ABHD13: variants seen among roughly 807,000 people sequenced by gnomAD.
The protein encoded by ABHD13 is protein ABHD13.
A neutral mutation model predicts 25.2 loss-of-function variants in ABHD13; 7 were observed. The ratio of observed to expected loss-of-function variants is 0.28; its 90% CI spans 0.16 to 0.52. ABHD13 has a LOEUF of 0.52. Ranked by LOEUF, ABHD13 falls within the 20% of genes least tolerant of loss-of-function variation. ABHD13 has a pLI of 0.96. For synonymous variants in ABHD13, 133 were observed against 136.1 expected (o/e 0.98, Z 0.16); for missense variants, 302 against 402.7 (o/e 0.75, Z 2.14).
At chr13:108,220,326 T>C (rs147172172) in intron 1 of ABHD13, among the ~76,000 whole-genome samples, 1 of 152,306 alleles carries the variant, frequency 6.6e-6, no homozygotes, top group African/African-American at 2.4e-5. Context: ...GATAAGAGGG[T>C]TTACTAACCA....
chr13:108,219,343 C>G (rs945527096), intron 1 of ABHD13, among the ~76,000 whole-genome samples: 2 of 152,070 alleles, frequency 1.3e-5, no homozygotes, highest in African/African-American at 4.8e-5. Context: ...AAAAAAAGTC[C>G]GTCCCCATTT....
In ABHD13 at chr13:108,233,682, C is replaced by T. The variant is rs1333231685; in HGVS notation, c.*3450C>T. The T allele has an allele frequency of 1.2e-5, 2 of 166,356 alleles. No homozygotes were observed. The highest frequency in any genetic ancestry group is 2.9e-5 in the Non-Finnish European group (2 of 67,866). The allele number at this position is 166,356 out of a possible 1,614,324, so 10.3% of individuals were successfully genotyped here. A position where few individuals can be genotyped will look rare whatever the true frequency, so the allele number is the denominator to read the frequency against. On this transcript the variant is annotated 3_prime_UTR_variant, in exon 2 of 2. Coordinates refer to ENST00000375898, the MANE Select transcript of ABHD13 (RefSeq NM_032859.3). ...TTGATAGGGTAGAAAATGAAATGTA[C>T]TTCTGTTTATTCTTAATACTATATA...
chr13:108,218,590 G>C lies in ABHD13; in HGVS notation c.-90G>C, dbSNP rs1014311531. 1.3e-5 allele frequency: 2 copies of C among 152,118 alleles called. No individual in the cohort carries two copies. Among genetic ancestry groups the C allele is most frequent in the African/African-American group, 4.8e-5 (2 of 41,426 alleles). The allele number at this position is 152,118 out of a possible 1,614,324, so 9.4% of individuals were successfully genotyped here. ...TGATGAGGAGCGACGGAAGCGACGCGGGGGTACGCTGCTGCGCGGCGCCCG... is the reference window on the plus strand; with the variant it reads ...TGATGAGGAGCGACGGAAGCGACGCCGGGGTACGCTGCTGCGCGGCGCCCG... On this transcript the variant is annotated 5_prime_UTR_variant, in exon 1 of 2. Coordinates refer to ENST00000375898, the MANE Select transcript of ABHD13 (RefSeq NM_032859.3).
rs1162601991 is a variant in ABHD13, at chr13:108,233,909, A to G, written c.*3677A>G. Reference sequence around the variant, plus strand: ...TTTTTACAAAAAGTGCCGTATATACATATGTAACAGGTGAGTGTGTGTTTA... The same window carrying G: ...TTTTTACAAAAAGTGCCGTATATACGTATGTAACAGGTGAGTGTGTGTTTA... On this transcript the variant is annotated 3_prime_UTR_variant, in exon 2 of 2. Coordinates refer to ENST00000375898, the MANE Select transcript of ABHD13 (RefSeq NM_032859.3). 4 of 166,850 alleles carry G rather than the reference A, an allele frequency of 2.4e-5. No homozygotes were observed. The highest frequency in any genetic ancestry group is 9.6e-5 in the African/African-American group (4 of 41,452). The allele number at this position is 166,850 out of a possible 1,614,324, so 10.3% of individuals were successfully genotyped here.
Position 108,231,274 on chromosome 13 carries a change from CCAACAA to C in ABHD13, c.*1055_*1060del, listed in dbSNP as rs534406000. ...TTCTTGAAAATAAAAGTTACAAAAT[CCAACAA>C]CAACAACAACAAAACAATGTTCTTG... On this transcript the variant is annotated 3_prime_UTR_variant, in exon 2 of 2. Coordinates refer to ENST00000375898, the MANE Select transcript of ABHD13 (RefSeq NM_032859.3). 15 of 166,676 alleles carry C rather than the reference CCAACAA, an allele frequency of 9.0e-5. No homozygotes were observed. Among genetic ancestry groups the C allele is most frequent in the African/African-American group, 2.9e-4 (12 of 41,486 alleles). 10.3% of individuals were successfully genotyped at this position (166,676 alleles called of 1,614,324 possible).
At chr13:108,228,589 AGTT>A (rs916060093) in intron 1 of ABHD13, among the ~76,000 whole-genome samples, 1 of 151,414 alleles carries the variant, frequency 6.6e-6, no homozygotes, top group African/African-American at 2.4e-5. Flanking sequence ...TTCTTTCCCT[AGTT>A]GTTTTTTTTT....
At chr13:108,227,166 G>A (rs1469978456) in intron 1 of ABHD13, among the ~76,000 whole-genome samples, 1 of 152,042 alleles carries the variant, frequency 6.6e-6, no homozygotes, top group Non-Finnish European at 1.5e-5. Flanking sequence ...TGTGGAAAAC[G>A]GTAAGTTTAT....
intron 1 of ABHD13, among the ~76,000 whole-genome samples, chr13:108,226,764 C>G (rs1349938406): frequency 6.6e-6 from 1 of 152,070 alleles, no homozygotes; most frequent in East Asian, 1.9e-4. Context: ...CTGATACTTT[C>G]AGCAAATTCA....
At chr13:108,219,167 G>C (rs1038574137) in intron 1 of ABHD13, among the ~76,000 whole-genome samples, 2 of 152,036 alleles carry the variant, frequency 1.3e-5, no homozygotes, top group Non-Finnish European at 2.9e-5. Flanking sequence ...ATCTAATCAC[G>C]ACAGTAACAG....
rs1192873099 is a variant in ABHD13, at chr13:108,230,214, T to C, written c.996T>C (p.Ser332=). 1 of 1,595,504 alleles carries C rather than the reference T, an allele frequency of 6.3e-7. No individual in the cohort carries two copies. The highest frequency in any genetic ancestry group is 8.5e-7 in the Non-Finnish European group (1 of 1,171,532). Residue 332 remains serine, a synonymous_variant, in exon 2 of 2, where the codon TCT becomes TCC. Transcript: ENST00000375898. Reference sequence around the variant, plus strand: ...CTGAAGAAATGGCAAAAACTTCATCTAATGTAACAATTATATAATGTTTCC... The same window carrying C: ...CTGAAGAAATGGCAAAAACTTCATCCAATGTAACAATTATATAATGTTTCC... ...HSPEEMAKTS[S]NVTII is the part of the protein sequence containing the mutation.
At chr13:108,221,951 C>T (rs1276467922) in intron 1 of ABHD13, among the ~76,000 whole-genome samples, 1 of 151,942 alleles carries the variant, frequency 6.6e-6, no homozygotes, top group African/African-American at 2.4e-5. Context: ...GATTCTCATG[C>T]CTCAGTCTCC....
chr13:108,221,985 G>A (rs1179098980), intron 1 of ABHD13, among the ~76,000 whole-genome samples: 3 of 151,840 alleles, frequency 2.0e-5, no homozygotes, highest in Non-Finnish European at 4.4e-5. Flanking sequence ...TTACAGGCAC[G>A]CGCCACCATG....
chr13:108,229,367 T>G lies in ABHD13; in HGVS notation c.149T>G (p.Phe50Cys), dbSNP rs1879742109. 1 of 1,612,798 alleles carries G rather than the reference T, an allele frequency of 6.2e-7. No homozygotes were observed. The change falls in exon 2 of 2, where the codon TTC becomes TGC. Residue 50 changes from phenylalanine (F) to cysteine (C), a missense_variant. By Grantham distance (205) the Phe-to-Cys change is radical. Coordinates refer to ENST00000375898, the MANE Select transcript of ABHD13 (RefSeq NM_032859.3). This position sits in a 1 kb window ranked among gnomAD's most constrained non-coding sequence, Gnocchi z 4.7. ...GGCATTATCTTACTTTTGTTAATATTCATATCAATAGCAGGTATTCTGTAT... is the reference window on the plus strand; with the variant it reads ...GGCATTATCTTACTTTTGTTAATATGCATATCAATAGCAGGTATTCTGTAT... Reference protein sequence around the residue: ...YGGIILLLLIFISIAGILYKF... With the variant: ...YGGIILLLLICISIAGILYKF...
intron 1 of ABHD13, among the ~76,000 whole-genome samples, chr13:108,221,094 T>G (rs1879558447): frequency 6.6e-6 from 1 of 152,236 alleles, no homozygotes; most frequent in Admixed American, 6.5e-5. Flanking sequence ...AGCTGCCTGG[T>G]ATAATTTTTG....
Position 108,232,676 on chromosome 13 carries a change from C to CT in ABHD13, c.*2447dup, listed in dbSNP as rs1879833021. On this transcript the variant is annotated 3_prime_UTR_variant, in exon 2 of 2. Coordinates refer to ENST00000375898, the MANE Select transcript of ABHD13 (RefSeq NM_032859.3). ...GCAGCTATAGGAGTTTACAAAAGAACTTTAAGTTATTAAGTTACTATAAAT... is the reference window on the plus strand; with the variant it reads ...GCAGCTATAGGAGTTTACAAAAGAACTTTTAAGTTATTAAGTTACTATAAAT... 6.0e-6 allele frequency: 1 copy of CT among 166,640 alleles called. No individual in the cohort carries two copies. Among genetic ancestry groups the CT allele is most frequent in the Non-Finnish European group, 1.5e-5 (1 of 67,974 alleles). The allele number at this position is 166,640 out of a possible 1,614,324, so 10.3% of individuals were successfully genotyped here.
At chr13:108,224,204 G>A (rs909609145) in intron 1 of ABHD13, among the ~76,000 whole-genome samples, 5 of 152,162 alleles carry the variant, frequency 3.3e-5, no homozygotes, top group Non-Finnish European at 7.3e-5. Flanking sequence ...ATGAACTTAC[G>A]TTAGGTATGT....
rs753505959 is a variant in ABHD13 at position 108,234,058 on chromosome 13, GT to G, written c.*3828del. On this transcript the variant is annotated 3_prime_UTR_variant, in exon 2 of 2. Transcript: ENST00000375898. Reference sequence around the variant, plus strand: ...ATTTCATAATGTAAATCATATTTTTGTTATTTGCCATATTTTATTTGAAGTG... The same window carrying G: ...ATTTCATAATGTAAATCATATTTTTGTATTTGCCATATTTTATTTGAAGTG... 3 of 166,594 alleles carry G rather than the reference GT, an allele frequency of 1.8e-5. No homozygotes were observed. Among genetic ancestry groups the G allele is most frequent in the Non-Finnish European group, 4.4e-5 (3 of 67,912 alleles). 10.3% of individuals were successfully genotyped at this position (166,594 alleles called of 1,614,324 possible).
chr13:108,228,788 T>C (rs1050202176), intron 1 of ABHD13, among the ~76,000 whole-genome samples: 6 of 151,826 alleles, frequency 4.0e-5, no homozygotes, highest in African/African-American at 1.5e-4. Context: ...TCTAGAATCA[T>C]GCTTGTTTGC....
At chr13:108,219,818 C>T (rs1879513404) in intron 1 of ABHD13, among the ~76,000 whole-genome samples, 1 of 152,138 alleles carries the variant, frequency 6.6e-6, no homozygotes, top group Non-Finnish European at 1.5e-5. Context: ...AATAGGGGTC[C>T]AAGGAAAGCT....
Sources: gnomAD v4.1 joint callset for allele counts (sites outside exome capture counted in the v4.1 genomes callset) on GRCh38, gnomAD v4.1.1 for gene constraint, Gnocchi (gnomAD v3.1) non-coding constraint, MANE v1.5 for transcripts, NCBI Gene and HGNC (gene_info 2026-07-23, HGNC 2026-07-21) for gene names.